MCF2: variants seen among roughly 807,000 people sequenced by gnomAD.
MCF2 encodes the protein MCF.2 cell line derived transforming sequence.
A neutral mutation model predicts 82.5 loss-of-function variants in MCF2; 44 were observed. That is an observed-to-expected ratio of 0.53 (90% CI 0.42 to 0.69). MCF2 has a LOEUF of 0.69. MCF2 is among the 30% of genes least tolerant of loss of function. The probability of loss-of-function intolerance (pLI) is 0.00; values close to 1 mark genes in which losing one functional copy is unlikely to be tolerated. For missense variants in MCF2, 623 were observed against 663.1 expected (o/e 0.94, Z 0.66); for synonymous variants, 217 against 224.9 (o/e 0.96, Z 0.32).
At chrX:139,672,812 G>A (rs1226817785) in intron 1 of MCF2, among the ~76,000 whole-genome samples, 1 of 111,887 alleles carries the variant, frequency 8.9e-6, no homozygotes, top group Non-Finnish European at 1.9e-5. Flanking sequence ...TTTGGTATCA[G>A]GATGATGCTG....
Position 139,596,568 on chromosome X carries a change from CTGTA to C in MCF2, c.2254_2257del (p.Tyr752ValfsTer17). On this transcript the variant is annotated frameshift_variant, in exon 19 of 25. Coordinates refer to ENST00000370576, the Ensembl canonical transcript of MCF2. LOFTEE classifies it high-confidence loss of function. ...TCTTACTTTCCAACAGTGTTTAAAA[CTGTA>C]TGACGGGTATCTGTCAGAGCCTTCT... is the stretch of plus-strand genomic sequence containing the variant. 8.3e-7 allele frequency: 1 copy of C among 1,208,105 alleles called. No individual in the cohort carries two copies.
At chrX:139,650,308 C>G (rs754509956) in intron 2 of MCF2, among the ~76,000 whole-genome samples, 2 of 111,142 alleles carry the variant, frequency 1.8e-5, no homozygotes, top group African/African-American at 6.5e-5. Context: ...GAGCTATGAT[C>G]GTACCACTGT....
At chrX:139,674,909 G>A (rs1029223863) in intron 1 of MCF2, among the ~76,000 whole-genome samples, 1 of 112,135 alleles carries the variant, frequency 8.9e-6, no homozygotes, top group African/African-American at 3.2e-5. Context: ...ATAATATCCC[G>A]AAGAGTGTTT....
At chrX:139,629,935 G>A in intron 3 of MCF2, 91 bp from the exon 7 acceptor site, 1 of 731,096 alleles carries the variant, frequency 1.4e-6, no homozygotes, top group Non-Finnish European at 2.0e-6. Context: ...TTTATTGGGG[G>A]TATAACGGCA....
chrX:139,700,053 G>A (rs372168460), intron 1 of MCF2, among the ~76,000 whole-genome samples: 14 of 111,582 alleles, frequency 1.3e-4, no homozygotes, highest in African/African-American at 3.9e-4. Context: ...GTCTGTTTGT[G>A]TCCTTGGTCT....
At chrX:139,586,618 C>A in intron 22 of MCF2, 131 bp from the exon 27 acceptor site, 1 of 438,386 alleles carries the variant, frequency 2.3e-6, no homozygotes, top group East Asian at 3.7e-5. Context: ...ACAGCCAATA[C>A]TCCCTATTTA....
intron 1 of MCF2, among the ~76,000 whole-genome samples, chrX:139,635,795 G>A (rs1933175995): frequency 9.0e-6 from 1 of 111,349 alleles, no homozygotes; most frequent in Admixed American, 9.6e-5. Context: ...CACAGTGGGG[G>A]TTGTTGTACA....
chrX:139,617,519 T>C, exon 8 of MCF2: 1 of 1,176,135 alleles, frequency 8.5e-7, no homozygotes, highest in Non-Finnish European at 1.1e-6. Context: ...CTACCTGCTG[T>C]AGGAGTTTAT....
rs745914627 is a variant in MCF2, at chrX:139,691,939, G to C, written c.-45+16167C>G. On this transcript the variant is annotated intron_variant, in intron 1 of 27. Transcript: ENST00000414978. The stretch of plus-strand genomic sequence containing the variant: ...CCTGCCACGAAGACTGCTTGCAGGA[G>C]GCAGAGGTAGTTCTTCCCGTACTTC... 9 of 1,164,831 alleles carry C rather than the reference G, an allele frequency of 7.7e-6. No individual in the cohort carries two copies. In the South Asian group the frequency reaches 1.7e-4, roughly 22 times the overall value.
At chrX:139,599,219 T>C (rs971896994) in intron 16 of MCF2, among the ~76,000 whole-genome samples, 2 of 107,023 alleles carry the variant, frequency 1.9e-5, no homozygotes, top group Admixed American at 9.9e-5. Context: ...GGGACTGCTA[T>C]TAGGTTGGTG....
chrX:139,609,156 G>A (rs1931293770), intron 11 of MCF2, among the ~76,000 whole-genome samples: 1 of 112,072 alleles, frequency 8.9e-6, no homozygotes, highest in African/African-American at 3.2e-5. Flanking sequence ...TATAAGCCAG[G>A]CAGCCTAGTT....
At chrX:139,603,108 A>G (rs1302067862) in intron 15 of MCF2, among the ~76,000 whole-genome samples, 1 of 112,276 alleles carries the variant, frequency 8.9e-6, no homozygotes, top group Non-Finnish European at 1.9e-5. Flanking sequence ...GACCATTTGT[A>G]TATTTCAAAT....
chrX:139,667,600 C>T (rs1435869463), intron 1 of MCF2, among the ~76,000 whole-genome samples: 1 of 111,981 alleles, frequency 8.9e-6, no homozygotes, highest in Non-Finnish European at 1.9e-5. Context: ...TGATTCCAGG[C>T]TATGTGCTCT....
At chrX:139,631,373 A>G (rs1295039181) in intron 3 of MCF2, 22 bp downstream of exon 6, 1 of 957,514 alleles carries the variant, frequency 1.0e-6, no homozygotes, top group Non-Finnish European at 1.5e-6. Flanking sequence ...TAGGCTCTAC[A>G]GTAAGGGCAA....
At chrX:139,598,314 C>G in intron 17 of MCF2, 92 bp downstream of exon 21, 1 of 569,393 alleles carries the variant, frequency 1.8e-6, no homozygotes, top group South Asian at 2.8e-5. Context: ...CTACCTATTT[C>G]TAGTGCTTCC....
intron 1 of MCF2, among the ~76,000 whole-genome samples, chrX:139,672,754 A>G (rs780370672): frequency 3.9e-4 from 44 of 112,260 alleles, no homozygotes; most frequent in African/African-American, 1.1e-3. Flanking sequence ...GATATTCATC[A>G]GGGATATTAG....
intron 1 of MCF2, among the ~76,000 whole-genome samples, chrX:139,633,425 A>G (rs1423628728): frequency 1.8e-5 from 2 of 111,711 alleles, no homozygotes; most frequent in East Asian, 5.6e-4. Flanking sequence ...TCTATGAAGG[A>G]GTTAGGTTAC....
chrX:139,615,074 T>A lies in MCF2; in HGVS notation c.1192-22A>T, dbSNP rs770142454. The A allele has an allele frequency of 2.9e-5, 33 of 1,150,648 alleles. No homozygotes were observed. The South Asian group carries it at 5.1e-4, about 18-fold the overall frequency. The allele number at this position is 1,150,648 out of a possible 1,213,427, so 94.8% of individuals were successfully genotyped here. On this transcript the variant is annotated intron_variant, in intron 9 of 24. Transcript: ENST00000370576. ...GAACCTGCGAGTTGTATAAGAATTATAGGAAATATTTTATGAAATGAGGTC... is the reference window on the plus strand; with the variant it reads ...GAACCTGCGAGTTGTATAAGAATTAAAGGAAATATTTTATGAAATGAGGTC...
At chrX:139,603,946 A>C (rs1039729881) in intron 15 of MCF2, among the ~76,000 whole-genome samples, 2 of 112,690 alleles carry the variant, frequency 1.8e-5, no homozygotes, top group Non-Finnish European at 3.7e-5. Flanking sequence ...TTTCTGGGAT[A>C]AGACATCTAT....
Sources: gnomAD v4.1 joint callset for allele counts (sites outside exome capture counted in the v4.1 genomes callset) on GRCh38, gnomAD v4.1.1 for gene constraint, MANE v1.5 for transcripts, NCBI Gene and HGNC (gene_info 2026-07-23, HGNC 2026-07-21) for gene names.